The following KAZN variants were observed in gnomAD, a reference collection of about 807,000 sequenced individuals.
KAZN encodes kazrin, periplakin interacting protein, also known as kazrin.
In KAZN, 40 loss-of-function variants were observed where a neutral mutation model predicts 87.4. The ratio of observed to expected loss-of-function variants is 0.46; its 90% confidence interval spans 0.36 to 0.60. KAZN has a LOEUF of 0.60. Ranked by LOEUF, KAZN falls within the 20% of genes least tolerant of loss-of-function variation. KAZN has a pLI of 0.00. For missense variants in KAZN, 898 were observed against 1,073.9 expected (o/e 0.84, Z 2.29); for synonymous variants, 466 against 458.3 (o/e 1.02, Z -0.22).
intron 1 of KAZN, among the ~76,000 whole-genome samples, chr1:14,953,902 GA>G (rs1662784026): frequency 6.6e-6 from 1 of 152,004 alleles, no homozygotes; most frequent in Non-Finnish European, 1.5e-5. Context: ...TCACTGCCCA[GA>G]AGTGTGTCAC....
chr1:14,290,396 A>G (rs140845648), intron 2 of KAZN, among the ~76,000 whole-genome samples: 1,821 of 151,896 alleles, frequency 0.012, 23 homozygotes, highest in South Asian at 0.019. Context: ...TTTTTCTCTA[A>G]ACTTCTCTTC....
At chr1:14,494,972 ATCTGAT>A (rs1490298981) in intron 2 of KAZN, among the ~76,000 whole-genome samples, 2 of 152,204 alleles carry the variant, frequency 1.3e-5, no homozygotes, top group African/African-American at 4.8e-5. Context: ...GCACCAGTGA[ATCTGAT>A]TCTAAGGAAG....
At chr1:14,586,585 C>T (rs499516) in intron 2 of KAZN, among the ~76,000 whole-genome samples, 16,346 of 143,718 alleles carry the variant, frequency 0.11, 3,085 homozygotes, top group African/African-American at 0.39. Flanking sequence ...TGCTGGAGTG[C>T]GGTGGCACAA....
At chr1:14,888,617 C>T (rs1654376428) in intron 1 of KAZN, among the ~76,000 whole-genome samples, 1 of 152,018 alleles carries the variant, frequency 6.6e-6, no homozygotes, top group Non-Finnish European at 1.5e-5. Flanking sequence ...TTCAGTCTTC[C>T]AGGAAAATGA....
intron 1 of KAZN, among the ~76,000 whole-genome samples, chr1:14,711,205 G>A (rs1642468044): frequency 6.6e-6 from 1 of 151,880 alleles, no homozygotes; most frequent in East Asian, 1.9e-4. Context: ...TTTTCGAAAA[G>A]AAGTATTATT....
intron 11 of KAZN, among the ~76,000 whole-genome samples, chr1:15,102,427 G>A (rs1641109550): frequency 6.6e-6 from 1 of 152,078 alleles, no homozygotes; most frequent in South Asian, 2.1e-4. Flanking sequence ...CTGATCCACG[G>A]CAGCAGAGTT....
intron 1 of KAZN, among the ~76,000 whole-genome samples, chr1:14,612,770 A>G (rs1677921822): frequency 6.6e-6 from 1 of 152,204 alleles, no homozygotes; most frequent in South Asian, 2.1e-4. Flanking sequence ...AGTCAACATC[A>G]TCAGATAATT....
rs149118309 is a variant in KAZN, at chr1:14,427,538, TACATGTAG to T, written c.250-171437_250-171430del. On this transcript the variant is annotated intron_variant, in intron 2 of 16. Transcript: ENST00000636203. ...AACACACACACACACACACACAGTA[TACATGTAG>T]ACATGTATACTAAATTAAAGGTACA... 5.8e-3 allele frequency among the ~76,000 whole-genome samples: 869 copies of T among 150,042 alleles called. 14 individuals carry two copies. Among genetic ancestry groups the T allele is most frequent in the African/African-American group, 0.02 (810 of 40,790 alleles).
intron 2 of KAZN, among the ~76,000 whole-genome samples, chr1:14,496,543 G>A (rs1220245732): frequency 6.6e-6 from 1 of 151,844 alleles, no homozygotes; most frequent in East Asian, 1.9e-4. Context: ...CTTCTTGAAA[G>A]ACTTTAGTTA....
intron 2 of KAZN, among the ~76,000 whole-genome samples, chr1:14,982,231 G>A (rs1557683768): frequency 6.6e-6 from 1 of 152,086 alleles, no homozygotes; most frequent in South Asian, 2.1e-4. Context: ...TCCAGCCCGC[G>A]ATCCACACGC....
At position 14,740,015 on chromosome 1, in the gene KAZN, G is replaced by A. The variant is rs116415575; in HGVS notation, c.226+140792G>A. 6.9e-3 allele frequency among the ~76,000 whole-genome samples: 1,046 copies of A among 152,272 alleles called. 7 individuals carry two copies. The highest frequency in any genetic ancestry group is 0.011 in the Non-Finnish European group (733 of 68,016). On this transcript the variant is annotated intron_variant, in intron 1 of 14. Transcript: ENST00000376030. ...CAGTTGAGAACGGGGGAAAGAAGGA[G>A]TCCTTTCCTTTCTAGGAGGCACCTG...
At chr1:14,666,335 A>AT (rs748165030) in intron 1 of KAZN, among the ~76,000 whole-genome samples, 4 of 152,110 alleles carry the variant, frequency 2.6e-5, no homozygotes, top group Non-Finnish European at 5.9e-5. Flanking sequence ...GTTCTTTGTA[A>AT]TGTCTGTGTT....
rs145240184 is a variant in KAZN, at chr1:14,645,694, A to G, written c.226+46471A>G. Reference sequence around the variant, plus strand: ...ATACAGAATCATGTCGTCTGCCAACAGGGGTAGTTTGACTTCCTCTCTTCC... The same window carrying G: ...ATACAGAATCATGTCGTCTGCCAACGGGGGTAGTTTGACTTCCTCTCTTCC... On this transcript the variant is annotated intron_variant, in intron 1 of 14. Coordinates refer to ENST00000376030, the MANE Select transcript of KAZN (RefSeq NM_201628.3). Among the ~76,000 whole-genome samples, 921 of 152,356 alleles carry G rather than the reference A, an allele frequency of 6.0e-3. 13 individuals carry two copies. The highest frequency in any genetic ancestry group is 0.021 in the African/African-American group (861 of 41,588).
intron 1 of KAZN, among the ~76,000 whole-genome samples, chr1:14,152,648 C>T (rs978960135): frequency 2.0e-5 from 3 of 152,216 alleles, no homozygotes; most frequent in Non-Finnish European, 4.4e-5. Context: ...CTCCAACAAA[C>T]ACAGTAGTGC....
intron 2 of KAZN, among the ~76,000 whole-genome samples, chr1:14,520,012 T>C (rs1671503010): frequency 6.6e-6 from 1 of 152,058 alleles, no homozygotes; most frequent in African/African-American, 2.4e-5. Flanking sequence ...GCACAGATCG[T>C]GCCATAGGTG....
intron 1 of KAZN, among the ~76,000 whole-genome samples, chr1:14,730,421 T>C (rs985688453): frequency 1.1e-4 from 17 of 152,176 alleles, no homozygotes; most frequent in Non-Finnish European, 1.5e-4. Flanking sequence ...CGCTTATTCA[T>C]TGATGGGCTG....
intron 2 of KAZN, among the ~76,000 whole-genome samples, chr1:14,433,342 T>C (rs1469457143): frequency 1.3e-5 from 2 of 152,226 alleles, no homozygotes; most frequent in Non-Finnish European, 2.9e-5. Flanking sequence ...AATAATTGCA[T>C]AGTGTGCACT....
chr1:14,361,818 G>A (rs1332636257), intron 2 of KAZN, among the ~76,000 whole-genome samples: 1 of 152,220 alleles, frequency 6.6e-6, no homozygotes, highest in Non-Finnish European at 1.5e-5. Context: ...GCAGACCAGA[G>A]TTGTTCCTAT....
chr1:14,545,228 G>A (rs1050481171), intron 2 of KAZN, among the ~76,000 whole-genome samples: 1 of 152,162 alleles, frequency 6.6e-6, no homozygotes, highest in Non-Finnish European at 1.5e-5. Context: ...CAATTTCCAC[G>A]GTGTTACTGA....
Sources: gnomAD v4.1 joint callset for allele counts (sites outside exome capture counted in the v4.1 genomes callset) on GRCh38, gnomAD v4.1.1 for gene constraint, MANE v1.5 for transcripts, NCBI Gene and HGNC (gene_info 2026-07-23, HGNC 2026-07-21) for gene names.